BAHCC1: variants seen among roughly 807,000 people sequenced by gnomAD.
BAHCC1 encodes the protein BAH domain and coiled-coil containing 1, also known as BAH and coiled-coil domain-containing protein 1.
Under a neutral mutation model 88.2 loss-of-function variants are expected in BAHCC1, and 43 were observed. That is an observed-to-expected ratio of 0.49 (90% CI 0.38 to 0.63). BAHCC1 has a LOEUF of 0.63. Ranked by LOEUF, BAHCC1 falls within the 20% of genes least tolerant of loss-of-function variation. The probability of loss-of-function intolerance (pLI) is 0.00; values close to 1 mark genes in which losing one functional copy is unlikely to be tolerated. For synonymous variants in BAHCC1, 1,510 were observed against 745.5 expected (o/e 2.03, Z -16.71); for missense variants, 3,023 against 1,654.8 (o/e 1.83, Z -14.34).
chr17:81,433,806 GC>G (rs1555651335), intron 3 of BAHCC1, among the ~76,000 whole-genome samples: 1 of 152,206 alleles, frequency 6.6e-6, no homozygotes, highest in African/African-American at 2.4e-5. Context: ...TTTGTGTGCC[GC>G]ATGCGGACAG....
At position 81,442,363 on chromosome 17, in the gene BAHCC1, G is replaced by A. The variant is rs111391571; in HGVS notation, c.1014G>A (p.Leu338=). The stretch of plus-strand genomic sequence containing the variant: ...CCGGGCCGGCCTTCAGCGAGTGCCT[G>A]GAGCGGCGGCAGATGCTACACCACA... The part of the protein sequence containing the change: ...PEPGPAFSEC[L]ERRQMLHHTA... The change falls in exon 5 of 28, where the codon CTG becomes CTA. Residue 338 remains leucine (L), a synonymous_variant. Transcript: ENST00000675386. The A allele has an allele frequency of 3.4e-5, 24 of 701,404 alleles. 1 individual carries two copies. Among genetic ancestry groups the A allele is most frequent in the African/African-American group, 2.1e-4 (12 of 56,438 alleles). The allele number at this position is 701,404 out of a possible 1,614,324, so 43.4% of individuals were successfully genotyped here.
chr17:81,447,037 C>G lies in BAHCC1; in HGVS notation c.3165C>G (p.Asp1055Glu). The change falls in exon 11 of 28, where the codon GAC becomes GAG. Residue 1055 changes from aspartate to glutamate, a missense_variant and splice_region_variant. Transcript: ENST00000675386. ...STADIITSEPDLPPGYLRPMA... is the reference protein window; with the variant it reads ...STADIITSEPELPPGYLRPMA... ...GCTGACCTGTCCCCTCCTTTGCAGA[C>G]CTGCCTCCCGGATACCTGCGCCCCA... 1.3e-6 allele frequency: 1 copy of G among 779,254 alleles called. No homozygotes were observed. The highest frequency in any genetic ancestry group is 2.4e-6 in the Non-Finnish European group (1 of 417,934). 48.3% of individuals were successfully genotyped at this position (779,254 alleles called of 1,614,324 possible).
intron 2 of BAHCC1, among the ~76,000 whole-genome samples, chr17:81,419,848 G>C (rs542944598): frequency 4.2e-5 from 6 of 144,040 alleles, no homozygotes; most frequent in African/African-American, 1.6e-4. Context: ...GGAGGATGCT[G>C]TCTCGGCGGC....
chr17:81,434,043 G>C lies in BAHCC1; in HGVS notation c.359-4327G>C, dbSNP rs1056912716. On this transcript the variant is annotated intron_variant, in intron 3 of 27. Coordinates refer to ENST00000675386, the MANE Select transcript of BAHCC1 (RefSeq NM_001377448.1). This position sits in a 1 kb window ranked among gnomAD's most constrained non-coding sequence, Gnocchi z 4.9. ...ATGTGCAGAACCTCAAGAGGAGCAGGGACCACTTGCCAGGCCAGGGGTCTC... is the reference window on the plus strand; with the variant it reads ...ATGTGCAGAACCTCAAGAGGAGCAGCGACCACTTGCCAGGCCAGGGGTCTC... Among the ~76,000 whole-genome samples the C allele has an allele frequency of 2.6e-5, 4 of 152,162 alleles. No individual in the cohort carries two copies. Among genetic ancestry groups the C allele is most frequent in the Non-Finnish European group, 5.9e-5 (4 of 68,012 alleles).
At chr17:81,419,691 GC>G (rs1254053913) in intron 2 of BAHCC1, among the ~76,000 whole-genome samples, 2 of 152,032 alleles carry the variant, frequency 1.3e-5, no homozygotes, top group Non-Finnish European at 2.9e-5. Flanking sequence ...GGAGGCCCAT[GC>G]CAGCAGCCCG....
In BAHCC1 at chr17:81,418,568, C is replaced by T. The variant is rs113439637; in HGVS notation, c.179-8232C>T. 2.7e-3 allele frequency among the ~76,000 whole-genome samples: 410 copies of T among 152,256 alleles called. 4 individuals are homozygous for T. Among genetic ancestry groups the T allele is most frequent in the African/African-American group, 9.2e-3 (383 of 41,548 alleles). On this transcript the variant is annotated intron_variant, in intron 2 of 27. Transcript: ENST00000675386. ...CCCGACCCAGGGCAGCTGTTCATCCCGGTGCCGCTTCAATGCCACCTTTTG... is the reference window on the plus strand; with the variant it reads ...CCCGACCCAGGGCAGCTGTTCATCCTGGTGCCGCTTCAATGCCACCTTTTG...
Position 81,460,514 on chromosome 17 carries a change from C to T in BAHCC1, c.6026-16C>T, listed in dbSNP as rs1309381625. ...ACAGCCATGGCACTGAAGCCCTTGG[C>T]CCATGCTATCCACAGGCACAGAGCC... On this transcript the variant is annotated splice_polypyrimidine_tract_variant and intron_variant, in intron 24 of 27. Transcript: ENST00000675386. The T allele has an allele frequency of 1.4e-6, 1 of 736,874 alleles. No individual in the cohort carries two copies. The highest frequency in any genetic ancestry group is 1.5e-5 in the South Asian group (1 of 67,508). 45.6% of individuals were successfully genotyped at this position (736,874 alleles called of 1,614,324 possible). A position where few individuals can be genotyped will look rare whatever the true frequency, so the allele number is the denominator to read the frequency against.
intron 2 of BAHCC1, among the ~76,000 whole-genome samples, chr17:81,403,200 C>T (rs1456799367): frequency 2.0e-5 from 3 of 152,220 alleles, no homozygotes; most frequent in Non-Finnish European, 4.4e-5. Context: ...GCCCCCCGTC[C>T]TGGCTTCTGG....
chr17:81,447,082 C>T lies in BAHCC1; in HGVS notation c.3210C>T (p.Ser1070=), dbSNP rs782730562. 15 of 779,292 alleles carry T rather than the reference C, an allele frequency of 1.9e-5. No individual in the cohort carries two copies. The highest frequency in any genetic ancestry group is 2.2e-4 in the Middle Eastern group (1 of 4,462). The allele number at this position is 779,292 out of a possible 1,614,324, so 48.3% of individuals were successfully genotyped here. A position where few individuals can be genotyped will look rare whatever the true frequency, so the allele number is the denominator to read the frequency against. ...YLRPMAGLGF[S]LPSDVHSSNL... ...GCCCCATGGCTGGCCTGGGCTTCTC[C>T]CTACCCTCAGACGTGCACTCTTCTA... Residue 1070 remains serine, a synonymous_variant, in exon 11 of 28, where the codon TCC becomes TCT. Transcript: ENST00000675386.
rs1555659936 is a variant in BAHCC1 at position 81,462,984 on chromosome 17, C to T, written c.7620+8C>T. 1.3e-6 allele frequency: 1 copy of T among 778,796 alleles called. No individual in the cohort carries two copies. The highest frequency in any genetic ancestry group is 1.7e-5 in the African/African-American group (1 of 59,046). 48.2% of individuals were successfully genotyped at this position (778,796 alleles called of 1,614,324 possible). On this transcript the variant is annotated splice_region_variant and intron_variant, in intron 27 of 27. Transcript: ENST00000675386. ...AGGCAGTGCGACGGCAAGGTGAGGC[C>T]CGGACAGGTGTGGGGCCCAGCCCCC...
At chr17:81,451,320 G>GC (rs1216994841) in intron 11 of BAHCC1, 11 of 259,194 alleles carry the variant, frequency 4.2e-5, no homozygotes, top group East Asian at 1.7e-4. Flanking sequence ...TCGAAGCAGG[G>GC]CCCCCCCGGT....
rs199884694 is a variant in BAHCC1, at chr17:81,447,417, G to A, written c.3545G>A (p.Arg1182Gln). ...GCTCATTCTACTCAGGGAGGGGCAC[G>A]AGAAGAGAGGAGCAGGGAGGAGGGG... ...GQAHSTQGGAREERSREEGEQ... is the reference protein window; with the variant it reads ...GQAHSTQGGAQEERSREEGEQ... Residue 1182 changes from arginine (R) to glutamine (Q), a missense_variant, in exon 11 of 28, where the codon CGA becomes CAA. Transcript: ENST00000675386. The A allele has an allele frequency of 6.3e-3, 4,698 of 744,524 alleles. 31 individuals are homozygous for A. The highest frequency in any genetic ancestry group is 0.018 in the South Asian group (1,260 of 70,042). 46.1% of individuals were successfully genotyped at this position (744,524 alleles called of 1,614,324 possible). A position where few individuals can be genotyped will look rare whatever the true frequency, so the allele number is the denominator to read the frequency against.
chr17:81,408,088 C>CTCCT (rs1555647197), intron 2 of BAHCC1, among the ~76,000 whole-genome samples: 1 of 152,244 alleles, frequency 6.6e-6, no homozygotes, highest in Non-Finnish European at 1.5e-5. Context: ...GGCCCCCTTC[C>CTCCT]TCCTGCTGCC....
chr17:81,418,516 CT>C (rs1298367473), intron 2 of BAHCC1, among the ~76,000 whole-genome samples: 1 of 152,154 alleles, frequency 6.6e-6, no homozygotes, highest in East Asian at 1.9e-4. Context: ...TGAGGCCCCC[CT>C]CTACCACCAG....
chr17:81,448,656 C>T (rs782192028), intron 11 of BAHCC1, among the ~76,000 whole-genome samples: 9 of 152,214 alleles, frequency 5.9e-5, no homozygotes, highest in Non-Finnish European at 8.8e-5. Context: ...AGCTCACCAC[C>T]GCGATGAAGA....
At chr17:81,432,088 A>C (rs2064267161) in intron 3 of BAHCC1, among the ~76,000 whole-genome samples, 1 of 152,128 alleles carries the variant, frequency 6.6e-6, no homozygotes, top group Non-Finnish European at 1.5e-5. Flanking sequence ...TATCTGCCAC[A>C]CCCATGAGAA....
chr17:81,447,139 CGCCCCGGGG>C lies in BAHCC1; in HGVS notation c.3272_3280del (p.Pro1091_Ala1093del). 1 of 778,866 alleles carries C rather than the reference CGCCCCGGGG, an allele frequency of 1.3e-6. No homozygotes were observed. Among genetic ancestry groups the C allele is most frequent in the Non-Finnish European group, 2.4e-6 (1 of 417,726 alleles). 48.2% of individuals were successfully genotyped at this position (778,866 alleles called of 1,614,324 possible). ...AGGACCCTGAAACTATGCAAACCACCGCCCCGGGGGCCCAGCCTGAGCCCACAAGGACAT... is the reference window on the plus strand; with the variant it reads ...AGGACCCTGAAACTATGCAAACCACCGCCCAGCCTGAGCCCACAAGGACAT... On this transcript the variant is annotated inframe_deletion, in exon 11 of 28. Coordinates refer to ENST00000675386, the MANE Select transcript of BAHCC1 (RefSeq NM_001377448.1).
intron 3 of BAHCC1, among the ~76,000 whole-genome samples, chr17:81,431,035 G>T: frequency 6.8e-6 from 1 of 146,474 alleles, no homozygotes; most frequent in East Asian, 2.0e-4. Context: ...GGGGGTGGAG[G>T]GGACAGCGTG....
At chr17:81,446,794 C>G in intron 10 of BAHCC1, 1 of 671,612 alleles carries the variant, frequency 1.5e-6, no homozygotes, top group Non-Finnish European at 2.7e-6. Context: ...CTCAAATGAT[C>G]CATCCACCTC....
Sources: gnomAD v4.1 joint callset for allele counts (sites outside exome capture counted in the v4.1 genomes callset) on GRCh38, gnomAD v4.1.1 for gene constraint, Gnocchi (gnomAD v3.1) non-coding constraint, MANE v1.5 for transcripts, NCBI Gene and HGNC (gene_info 2026-07-23, HGNC 2026-07-21) for gene names.